The following ERC2 variants were observed in gnomAD, a reference collection of about 807,000 sequenced individuals.
The protein encoded by ERC2 is ELKS/RAB6-interacting/CAST family member 2.
A neutral mutation model predicts 114.8 loss-of-function variants in ERC2; 42 were observed. That is an observed-to-expected ratio of 0.37 (90% confidence interval 0.29 to 0.47). The LOEUF (loss-of-function observed/expected upper bound fraction) is 0.47. Among genes scored for constraint, ERC2 ranks in the 20% least tolerant of loss-of-function variants. The pLI, the probability that ERC2 is intolerant of heterozygous loss-of-function variation, is 0.99. For synonymous variants in ERC2, 454 were observed against 425.5 expected, an observed-to-expected ratio of 1.07 and a Z score of -0.82; for missense variants, 939 against 1,150.7, an observed-to-expected ratio of 0.82 and a Z score of 2.66.
chr3:56,018,300 A>G (rs1384806061), intron 8 of ERC2, among the ~76,000 whole-genome samples: 1 of 152,210 alleles, frequency 6.6e-6, no homozygotes, highest in Non-Finnish European at 1.5e-5. Context: ...GATCCCAGGC[A>G]GTCTAGCTCC....
chr3:56,206,215 A>T (rs1339773412), intron 3 of ERC2, among the ~76,000 whole-genome samples: 5 of 151,338 alleles, frequency 3.3e-5, no homozygotes, highest in African/African-American at 1.2e-4. Context: ...ACACACACAC[A>T]CACACTCACA....
At chr3:56,189,374 C>T (rs1293504816) in intron 3 of ERC2, among the ~76,000 whole-genome samples, 1 of 152,210 alleles carries the variant, frequency 6.6e-6, no homozygotes, top group African/African-American at 2.4e-5. Context: ...TGTGGAAAAG[C>T]TGCGGCTTCT....
intron 6 of ERC2, among the ~76,000 whole-genome samples, chr3:56,133,885 C>T (rs764983442): frequency 2.0e-5 from 3 of 152,206 alleles, no homozygotes; most frequent in Non-Finnish European, 1.5e-5. Flanking sequence ...TATCAAATGA[C>T]ACCTCACTGA....
chr3:56,037,546 G>T (rs529953019), intron 7 of ERC2, among the ~76,000 whole-genome samples: 1 of 152,314 alleles, frequency 6.6e-6, no homozygotes, highest in African/African-American at 2.4e-5. Flanking sequence ...AGAACTATGG[G>T]ATTATATACA....
At chr3:55,894,447 A>C (rs1371882713) in intron 13 of ERC2, among the ~76,000 whole-genome samples, 1 of 152,192 alleles carries the variant, frequency 6.6e-6, no homozygotes, top group Non-Finnish European at 1.5e-5. Context: ...TTTTTTAAAA[A>C]ATGTTAGCTT....
chr3:56,233,358 C>T (rs964022864), intron 3 of ERC2, among the ~76,000 whole-genome samples: 21 of 152,330 alleles, frequency 1.4e-4, no homozygotes, highest in Non-Finnish European at 2.1e-4. Context: ...CAGTGGCTCA[C>T]GCCTATAATC....
At chr3:55,713,617 T>C (rs552350758) in intron 15 of ERC2, among the ~76,000 whole-genome samples, 3 of 152,338 alleles carry the variant, frequency 2.0e-5, no homozygotes, top group Non-Finnish European at 2.9e-5. Context: ...GCCATTGTTT[T>C]TGGTAAGCTA....
chr3:55,612,044 C>T (rs2058928311), intron 17 of ERC2, among the ~76,000 whole-genome samples: 1 of 152,156 alleles, frequency 6.6e-6, no homozygotes, highest in Non-Finnish European at 1.5e-5. Context: ...CCATCCCAGC[C>T]CCTCTCTACT....
At chr3:55,992,385 AAG>A in intron 10 of ERC2, 135 bp from the exon 11 acceptor site, 1 of 643,554 alleles carries the variant, frequency 1.6e-6, no homozygotes, top group East Asian at 2.9e-5. Context: ...TGTCAGTGAA[AAG>A]GCAAAATAGA....
chr3:55,528,312 G>T (rs998198112), intron 17 of ERC2, among the ~76,000 whole-genome samples: 12 of 152,200 alleles, frequency 7.9e-5, no homozygotes, highest in Non-Finnish European at 1.5e-4. Flanking sequence ...AGATGAAAAA[G>T]ATTCTTTGTA....
chr3:55,712,024 G>C (rs756954830), intron 15 of ERC2, among the ~76,000 whole-genome samples: 40 of 152,116 alleles, frequency 2.6e-4, no homozygotes, highest in Non-Finnish European at 4.4e-4. Flanking sequence ...AAATATGATA[G>C]GTAAAATATT....
chr3:56,263,102 T>C (rs559650739), intron 3 of ERC2, among the ~76,000 whole-genome samples: 3 of 152,350 alleles, frequency 2.0e-5, no homozygotes, highest in East Asian at 1.9e-4. Flanking sequence ...CTCAGGCTTA[T>C]GTAACTTACA....
rs1005998941 is a variant in ERC2 at position 56,259,711 on chromosome 3, C to G, written c.1074+36308G>C. Among the ~76,000 whole-genome samples the G allele has an allele frequency of 4.0e-5, 6 of 151,682 alleles. No individual in the cohort carries two copies. In the South Asian group the frequency reaches 1.0e-3, roughly 26 times the overall value. The stretch of plus-strand genomic sequence containing the variant: ...TATGATATATGATTCTGAAAACAAT[C>G]AAACAGAGCCCCTGCCCTAAGGGAC... On this transcript the variant is annotated intron_variant, in intron 3 of 17. Transcript: ENST00000288221.
At chr3:55,734,366 A>G (rs1360686429) in intron 15 of ERC2, among the ~76,000 whole-genome samples, 1 of 152,204 alleles carries the variant, frequency 6.6e-6, no homozygotes. Flanking sequence ...GATGAGGGCA[A>G]TTCTTTACAG....
intron 3 of ERC2, among the ~76,000 whole-genome samples, chr3:56,267,046 C>A (rs1237972703): frequency 6.6e-6 from 1 of 152,090 alleles, no homozygotes; most frequent in Non-Finnish European, 1.5e-5. Flanking sequence ...TGCTTGGGAC[C>A]AGAAGCATTT....
intron 14 of ERC2, among the ~76,000 whole-genome samples, chr3:55,743,257 A>T (rs865782613): frequency 1.4e-4 from 20 of 145,594 alleles, no homozygotes; most frequent in African/African-American, 5.2e-4. Context: ...TGGCTGGCCC[A>T]TCCGGCGGTT....
At chr3:55,583,383 T>TTCC (rs758951465) in intron 17 of ERC2, among the ~76,000 whole-genome samples, 3 of 126,498 alleles carry the variant, frequency 2.4e-5, no homozygotes, top group East Asian at 2.1e-4. Flanking sequence ...TCTTTCCTTC[T>TTCC]TTCTTTCCTT....
intron 14 of ERC2, among the ~76,000 whole-genome samples, chr3:55,840,560 A>T (rs887803225): frequency 3.3e-5 from 5 of 152,120 alleles, no homozygotes; most frequent in Middle Eastern, 6.8e-3. Flanking sequence ...ACTACTTTGG[A>T]AAACAGTCAA....
At chr3:56,006,351 G>T (rs746449833) in intron 10 of ERC2, among the ~76,000 whole-genome samples, 1 of 151,792 alleles carries the variant, frequency 6.6e-6, no homozygotes, top group East Asian at 1.9e-4. Flanking sequence ...TCCCCATCCC[G>T]GTGTGTGCTA....
Sources: gnomAD v4.1 joint callset for allele counts (sites outside exome capture counted in the v4.1 genomes callset) on GRCh38, gnomAD v4.1.1 for gene constraint, MANE v1.5 for transcripts, NCBI Gene and HGNC (gene_info 2026-07-23, HGNC 2026-07-21) for gene names.